PLET1: variants seen among roughly 807,000 people sequenced by gnomAD.
PLET1 encodes placenta expressed transcript 1.
In PLET1, 20 loss-of-function variants were observed where a neutral mutation model predicts 18.5. That is an observed-to-expected ratio of 1.08 (90% CI 0.76 to 1.57). PLET1 has a LOEUF of 1.57. Ranked by LOEUF, PLET1 falls within the 40% of genes most tolerant of loss-of-function variation. PLET1 has a pLI of 0.00. For synonymous variants in PLET1, 93 were observed against 93.8 expected (o/e 0.99, Z 0.05); for missense variants, 256 against 246.4 (o/e 1.04, Z -0.26).
chr11:112,260,378 G>A, intron 1 of PLET1, 28 bp downstream of exon 1: 2 of 1,535,046 alleles, frequency 1.3e-6, no homozygotes. Flanking sequence ...GGGAACAAAG[G>A]ACAGCAGAGA....
In PLET1 at chr11:112,252,347, C is replaced by A; in HGVS notation, c.448+1G>T. On this transcript the variant is annotated splice_donor_variant, in intron 3 of 3. Transcript: ENST00000338832. LOFTEE classifies it high-confidence loss of function. ...TGCAAATGGGCTGCAAAGGAACTCACGTTTTTCTCTTAGCTTCAGAGTAGA... is the reference window on the plus strand; with the variant it reads ...TGCAAATGGGCTGCAAAGGAACTCAAGTTTTTCTCTTAGCTTCAGAGTAGA... 2 of 1,550,434 alleles carry A rather than the reference C, an allele frequency of 1.3e-6. No homozygotes were observed. Among genetic ancestry groups the A allele is most frequent in the Non-Finnish European group, 1.7e-6 (2 of 1,145,922 alleles).
rs1482143890 is a variant in PLET1 at position 112,255,601 on chromosome 11, T to C, written c.185-12A>G. The C allele has an allele frequency of 2.6e-6, 4 of 1,549,250 alleles. No homozygotes were observed. Among genetic ancestry groups the C allele is most frequent in the East Asian group, 2.4e-5 (1 of 40,920 alleles). On this transcript the variant is annotated splice_polypyrimidine_tract_variant and intron_variant, in intron 1 of 3. Coordinates refer to ENST00000338832, the MANE Select transcript of PLET1 (RefSeq NM_001145024.1). ...CACGGGAACAAATACTGGGAGGAAATGATGAAGAAGCAATCAGCCATCTGT... is the reference window on the plus strand; with the variant it reads ...CACGGGAACAAATACTGGGAGGAAACGATGAAGAAGCAATCAGCCATCTGT...
chr11:112,249,024 C>T (rs1860128395), intron 3 of PLET1, 50 bp from the exon 4 acceptor site: 2 of 1,518,136 alleles, frequency 1.3e-6, no homozygotes, highest in Non-Finnish European at 1.8e-6. Flanking sequence ...GGCATCGGAA[C>T]CTCCGTTGGG....
Position 112,260,636 on chromosome 11 carries a change from T to C in PLET1, c.-47A>G. The C allele has an allele frequency of 6.7e-7, 1 of 1,485,280 alleles. No homozygotes were observed. Among genetic ancestry groups the C allele is most frequent in the South Asian group, 1.3e-5 (1 of 78,670 alleles). The allele number at this position is 1,485,280 out of a possible 1,614,324, so 92.0% of individuals were successfully genotyped here. ...TGCTAGGCCTGGAATTGGGTGAAAC[T>C]GACAACTCACCTCTTGTTTATATGC... On this transcript the variant is annotated 5_prime_UTR_variant, in exon 1 of 4. Coordinates refer to ENST00000338832, the MANE Select transcript of PLET1 (RefSeq NM_001145024.1).
At chr11:112,250,799 C>G (rs528274800) in intron 3 of PLET1, among the ~76,000 whole-genome samples, 6 of 152,308 alleles carry the variant, frequency 3.9e-5, no homozygotes, top group Admixed American at 3.3e-4. Context: ...TCAAGACCCC[C>G]CTTTTCCAGT....
At chr11:112,253,543 C>A (rs1194220297) in intron 2 of PLET1, among the ~76,000 whole-genome samples, 3 of 151,994 alleles carry the variant, frequency 2.0e-5, no homozygotes, top group Non-Finnish European at 4.4e-5. Context: ...TGCGGATGGT[C>A]ACTGTTTGGT....
chr11:112,248,964 T>G lies in PLET1; in HGVS notation c.459A>C (p.Leu153Phe). The change falls in exon 4 of 4, where the codon TTA (leucine) becomes TTC (phenylalanine). Residue 153 changes from leucine to phenylalanine, a missense_variant. Leu to Phe is a conservative substitution (Grantham distance 22). Coordinates refer to ENST00000338832, the MANE Select transcript of PLET1 (RefSeq NM_001145024.1). The part of the protein sequence containing the change: ...TLKLREKLST[L>F]ALAAKIPQSS... Reference sequence around the variant, plus strand: ...TCTGGGGAATCTTGGCAGCTAAGGCTAAGGTTGACACTGGAAAGGTGGTTG... The same window carrying G: ...TCTGGGGAATCTTGGCAGCTAAGGCGAAGGTTGACACTGGAAAGGTGGTTG... 6.5e-7 allele frequency: 1 copy of G among 1,550,306 alleles called. No homozygotes were observed. The highest frequency in any genetic ancestry group is 8.7e-7 in the Non-Finnish European group (1 of 1,146,930).
At chr11:112,258,838 C>T (rs1459277210) in intron 1 of PLET1, among the ~76,000 whole-genome samples, 7 of 152,158 alleles carry the variant, frequency 4.6e-5, no homozygotes, top group African/African-American at 1.7e-4. Flanking sequence ...TAGTGTCAGT[C>T]CTCATTTAAA....
rs182305718 is a variant in PLET1, at chr11:112,260,716, A to G, written c.-127T>C. 439 of 788,028 alleles carry G rather than the reference A, an allele frequency of 5.6e-4. 2 individuals are homozygous for G. In the East Asian group the frequency reaches 0.011, roughly 20 times the overall value. 48.8% of individuals were successfully genotyped at this position (788,028 alleles called of 1,614,324 possible). ...GATCTTCTCCCTGCCCCTTCTGAAT[A>G]TACATTGGATTCTGGAATTTGGCCC... On this transcript the variant is annotated 5_prime_UTR_variant, in exon 1 of 4. Coordinates refer to ENST00000338832, the MANE Select transcript of PLET1 (RefSeq NM_001145024.1).
Position 112,252,850 on chromosome 11 carries a change from A to G in PLET1, c.387-441T>C, listed in dbSNP as rs115761744. 5.1e-3 allele frequency among the ~76,000 whole-genome samples: 783 copies of G among 152,316 alleles called. 7 individuals are homozygous for G. Among genetic ancestry groups the G allele is most frequent in the African/African-American group, 0.018 (745 of 41,568 alleles). ...GTCCCCATGGGAGGACCGACTTTAT[A>G]AGGCAGGTTCTGTTGTCAACAGTGC... On this transcript the variant is annotated intron_variant, in intron 2 of 3. Coordinates refer to ENST00000338832, the MANE Select transcript of PLET1 (RefSeq NM_001145024.1).
At chr11:112,254,929 GTGC>G (rs1259663731) in intron 2 of PLET1, among the ~76,000 whole-genome samples, 15 of 124,114 alleles carry the variant, frequency 1.2e-4, no homozygotes, top group African/African-American at 3.7e-4. Context: ...GTATGTGTGT[GTGC>G]TGTGAGCGTG....
chr11:112,259,384 T>G (rs1860261539), intron 1 of PLET1, among the ~76,000 whole-genome samples: 1 of 152,224 alleles, frequency 6.6e-6, no homozygotes, highest in South Asian at 2.1e-4. Flanking sequence ...AATAGGTCAC[T>G]ATTACATGTT....
At position 112,255,383 on chromosome 11, in the gene PLET1, C is replaced by A. The variant is rs1175451183; in HGVS notation, c.386+5G>T. ...AGCCCAAAGCAAAGCAAGCTAGGTTCTTACTGTATCTCCACTTCAGTTATG... is the reference window on the plus strand; with the variant it reads ...AGCCCAAAGCAAAGCAAGCTAGGTTATTACTGTATCTCCACTTCAGTTATG... On this transcript the variant is annotated splice_donor_5th_base_variant and intron_variant, in intron 2 of 3. Coordinates refer to ENST00000338832, the MANE Select transcript of PLET1 (RefSeq NM_001145024.1). The A allele has an allele frequency of 1.9e-6, 3 of 1,551,896 alleles. No homozygotes were observed. The highest frequency in any genetic ancestry group is 1.4e-5 in the African/African-American group (1 of 73,004).
At position 112,248,582 on chromosome 11, in the gene PLET1, A is replaced by G. The variant is rs1295652136; in HGVS notation, c.*217T>C. ...AGTTCTAAATATTTTCAAAAAGTGT[A>G]ATATGTGTCCTGAAAGATCCAGATG... On this transcript the variant is annotated 3_prime_UTR_variant, in exon 4 of 4. Transcript: ENST00000338832. The G allele has an allele frequency of 5.3e-6, 3 of 564,162 alleles. No homozygotes were observed. Among genetic ancestry groups the G allele is most frequent in the Non-Finnish European group, 9.3e-6 (3 of 322,022 alleles). The allele number at this position is 564,162 out of a possible 1,614,324, so 34.9% of individuals were successfully genotyped here.
rs1467183506 is a variant in PLET1, at chr11:112,252,407, G to A, written c.389C>T (p.Ala130Val). The A allele has an allele frequency of 1.3e-5, 20 of 1,551,044 alleles. No individual in the cohort carries two copies. In the South Asian group the frequency reaches 2.3e-4, roughly 18 times the overall value. The change falls in exon 3 of 4, where the codon GCT becomes GTT. Residue 130 changes from alanine (A) to valine (V), a missense_variant and splice_region_variant. By Grantham distance (64) the Ala-to-Val change is moderately conservative. Coordinates refer to ENST00000338832, the MANE Select transcript of PLET1 (RefSeq NM_001145024.1). ...CAGCGCTCTGATCTGGACAGTGAAA[G>A]CTCTGTGGAGGGCAAATCAATGAGA... ...PENITEVEIQ[A>V]FTVQIRALPI... is the part of the protein sequence containing the mutation.
intron 1 of PLET1, 142 bp downstream of exon 1, chr11:112,260,264 G>C (rs2518361): frequency 0.74 from 634,024 of 862,464 alleles, 234,750 homozygotes; most frequent in East Asian, 0.81. Flanking sequence ...CTCATTCTTT[G>C]TCTTCCTTCC....
chr11:112,252,438 T>C (rs1860165985), intron 2 of PLET1, 29 bp from the exon 3 acceptor site: 1 of 1,539,092 alleles, frequency 6.5e-7, no homozygotes, highest in Non-Finnish European at 8.8e-7. Flanking sequence ...TGAGAGATAA[T>C]GCTGAGGACC....
chr11:112,260,311 T>C (rs1860273555), intron 1 of PLET1, 95 bp downstream of exon 1: 5 of 1,214,286 alleles, frequency 4.1e-6, no homozygotes, highest in Non-Finnish European at 5.7e-6. Context: ...ACATGTTTTG[T>C]ATAATTGAGA....
intron 2 of PLET1, among the ~76,000 whole-genome samples, chr11:112,253,769 G>A (rs1221989267): frequency 6.6e-6 from 1 of 152,188 alleles, no homozygotes; most frequent in African/African-American, 2.4e-5. Flanking sequence ...CCAGTGCATG[G>A]AGGGAGAGGG....
Sources: gnomAD v4.1 joint callset for allele counts (sites outside exome capture counted in the v4.1 genomes callset) on GRCh38, gnomAD v4.1.1 for gene constraint, MANE v1.5 for transcripts, NCBI Gene and HGNC (gene_info 2026-07-23, HGNC 2026-07-21) for gene names.